Variants in POLR3B observed in about 807,000 individuals in gnomAD.
POLR3B encodes the protein DNA-directed RNA polymerase III subunit RPC2.
Under a neutral mutation model 147.4 loss-of-function variants are expected in POLR3B, and 96 were observed. The ratio of observed to expected loss-of-function variants is 0.65; its 90% confidence interval spans 0.55 to 0.77. The LOEUF is 0.77. Ranked by LOEUF, POLR3B falls within the 30% of genes least tolerant of loss-of-function variation. The probability of loss-of-function intolerance (pLI) is 0.00; values close to 1 mark genes in which losing one functional copy is unlikely to be tolerated. For synonymous variants in POLR3B, 461 were observed against 485.9 expected (o/e 0.95, Z 0.67); for missense variants, 1,036 against 1,413.5 (o/e 0.73, Z 4.28).
intron 27 of POLR3B, among the ~76,000 whole-genome samples, chr12:106,507,015 A>G (rs183259410): frequency 6.6e-6 from 1 of 152,162 alleles, no homozygotes; most frequent in Non-Finnish European, 1.5e-5. Context: ...AGGGATTTGC[A>G]CATTAGTGAG....
chr12:106,379,007 A>G (rs1434182750), intron 8 of POLR3B, among the ~76,000 whole-genome samples: 1 of 152,218 alleles, frequency 6.6e-6, no homozygotes, highest in Non-Finnish European at 1.5e-5. Context: ...TTGATAACCT[A>G]CAACGAACTG....
chr12:106,488,626 A>G (rs544426374), intron 23 of POLR3B, among the ~76,000 whole-genome samples: 2 of 152,236 alleles, frequency 1.3e-5, no homozygotes, highest in South Asian at 4.1e-4. Context: ...GTTGCTGTAT[A>G]TTCTAATCAT....
intron 1 of POLR3B, 87 bp downstream of exon 1, chr12:106,358,038 G>A (rs2036412573): frequency 1.3e-6 from 2 of 1,569,824 alleles, no homozygotes; most frequent in Non-Finnish European, 8.6e-7. Flanking sequence ...CCAAGGGGGC[G>A]GGCTGGCGGT....
At position 106,432,365 on chromosome 12, in the gene POLR3B, T is replaced by C. The variant is rs1360458364; in HGVS notation, c.1512T>C (p.Thr504=). 4.3e-6 allele frequency: 7 copies of C among 1,613,666 alleles called. No individual in the cohort carries two copies. Among genetic ancestry groups the C allele is most frequent in the Non-Finnish European group, 5.9e-6 (7 of 1,179,710 alleles). The change falls in exon 15 of 28, where the codon ACT becomes ACC. Residue 504 remains threonine, a synonymous_variant. Transcript: ENST00000228347. ...TGGCCCTTATGACACACATCACAAC[T>C]GATATGGAAGATGGACCCATTGTTA... ...KNLALMTHIT[T]DMEDGPIVKL... is the part of the protein sequence containing the mutation.
chr12:106,466,561 C>T (rs2038008587), intron 23 of POLR3B, among the ~76,000 whole-genome samples: 1 of 152,192 alleles, frequency 6.6e-6, no homozygotes, highest in Non-Finnish European at 1.5e-5. Context: ...CCTAGGTTTT[C>T]TTCTAGGATT....
chr12:106,470,613 T>C (rs1318655091), intron 23 of POLR3B, among the ~76,000 whole-genome samples: 31 of 152,182 alleles, frequency 2.0e-4, no homozygotes, highest in Non-Finnish European at 4.4e-5. Flanking sequence ...TGGTCTTTGA[T>C]GTTGGTGACC....
At chr12:106,367,665 G>A (rs2136884364) in intron 4 of POLR3B, among the ~76,000 whole-genome samples, 1 of 152,232 alleles carries the variant, frequency 6.6e-6, no homozygotes, top group Admixed American at 6.5e-5. Flanking sequence ...TCACTGATTC[G>A]TATTGGGGTT....
intron 22 of POLR3B, among the ~76,000 whole-genome samples, 167 bp from the exon 23 acceptor site, chr12:106,463,311 T>C (rs1421963639): frequency 6.6e-6 from 1 of 152,144 alleles, no homozygotes; most frequent in Non-Finnish European, 1.5e-5. Context: ...AAAAGGGAAA[T>C]TGTGAAATTT....
chr12:106,486,799 G>A (rs1222439317), intron 23 of POLR3B, among the ~76,000 whole-genome samples: 3 of 152,086 alleles, frequency 2.0e-5, no homozygotes, highest in Admixed American at 6.5e-5. Flanking sequence ...CTTCTTTAAC[G>A]GGTCCTCTGG....
chr12:106,410,779 T>C (rs2037214385), intron 11 of POLR3B, 47 bp from the exon 12 acceptor site: 1 of 1,563,762 alleles, frequency 6.4e-7, no homozygotes, highest in Non-Finnish European at 8.8e-7. Flanking sequence ...TACGTTAAAT[T>C]TTAATGTCCA....
intron 1 of POLR3B, among the ~76,000 whole-genome samples, chr12:106,360,364 C>T (rs2036453740): frequency 6.6e-6 from 1 of 152,112 alleles, no homozygotes; most frequent in African/African-American, 2.4e-5. Context: ...CCATGGTTCC[C>T]CCCTCTCCCT....
chr12:106,413,819 T>C (rs2037263035), intron 12 of POLR3B, among the ~76,000 whole-genome samples: 1 of 152,076 alleles, frequency 6.6e-6, no homozygotes, highest in African/African-American at 2.4e-5. Flanking sequence ...TTCTGTGCGA[T>C]TGTTTTTCTA....
intron 12 of POLR3B, among the ~76,000 whole-genome samples, chr12:106,412,690 G>A (rs2037243943): frequency 6.6e-6 from 1 of 152,180 alleles, no homozygotes; most frequent in African/African-American, 2.4e-5. Context: ...TTGCTAAAAT[G>A]TATTTTCAAC....
At chr12:106,368,900 TTTTTG>T (rs1407787161) in intron 4 of POLR3B, among the ~76,000 whole-genome samples, 2 of 152,100 alleles carry the variant, frequency 1.3e-5, no homozygotes, top group Non-Finnish European at 2.9e-5. Context: ...GAGCGTTTTT[TTTTTG>T]TTTGTTTTTT....
chr12:106,368,723 T>C (rs1157416013), intron 4 of POLR3B, among the ~76,000 whole-genome samples: 1 of 152,198 alleles, frequency 6.6e-6, no homozygotes, highest in Non-Finnish European at 1.5e-5. Flanking sequence ...ATTTTTTCAG[T>C]ATGTGAGACA....
intron 2 of POLR3B, among the ~76,000 whole-genome samples, chr12:106,365,865 A>AT (rs1205363529): frequency 6.9e-6 from 1 of 145,516 alleles, no homozygotes; most frequent in South Asian, 2.3e-4. Context: ...TCTCAAAAAA[A>AT]AAAAAAAATT....
At chr12:106,409,884 G>A (rs1426924730) in intron 11 of POLR3B, among the ~76,000 whole-genome samples, 1 of 152,022 alleles carries the variant, frequency 6.6e-6, no homozygotes, top group Admixed American at 6.6e-5. Flanking sequence ...TTAGATGTAG[G>A]ATCTACTTCA....
intron 9 of POLR3B, among the ~76,000 whole-genome samples, chr12:106,386,113 A>G (rs1463126693): frequency 1.3e-5 from 2 of 152,138 alleles, no homozygotes; most frequent in African/African-American, 4.8e-5. Flanking sequence ...TGGGAGGCCA[A>G]GGTGGGTGGA....
chr12:106,501,462 A>C (rs1474215551), intron 26 of POLR3B, 26 bp downstream of exon 26: 1 of 1,297,840 alleles, frequency 7.7e-7, no homozygotes, highest in Admixed American at 1.7e-5. Flanking sequence ...TTACAAAAAG[A>C]ATTGATAATG....
Sources: allele counts gnomAD v4.1 joint callset (sites outside exome capture counted in the v4.1 genomes callset), GRCh38; gene constraint gnomAD v4.1.1; transcripts MANE v1.5; gene names NCBI Gene and HGNC (gene_info 2026-07-23, HGNC 2026-07-21).